Variants in VPS53 observed in about 807,000 individuals in gnomAD.
VPS53 encodes the protein VPS53 subunit of GARP complex.
VPS53 carries 70 observed loss-of-function variants against 107.0 expected under a neutral mutation model. The ratio of observed to expected loss-of-function variants is 0.65; its 90% CI spans 0.54 to 0.80. VPS53 has a LOEUF of 0.80. Among genes scored for constraint, VPS53 ranks in the 30% least tolerant of loss-of-function variants. VPS53 has a pLI of 0.00. For missense variants in VPS53, 917 were observed against 1,049.4 expected, an observed-to-expected ratio of 0.87 and a Z score of 1.74; for synonymous variants, 409 against 393.3, an observed-to-expected ratio of 1.04 and a Z score of -0.47.
At chr17:647,602 T>C (rs980076199) in intron 7 of VPS53, among the ~76,000 whole-genome samples, 1 of 152,164 alleles carries the variant, frequency 6.6e-6, no homozygotes, top group Non-Finnish European at 1.5e-5. Context: ...CATAAAGTCC[T>C]GTTCGCCTGC....
intron 12 of VPS53, among the ~76,000 whole-genome samples, chr17:598,486 G>A (rs1247386834): frequency 2.6e-5 from 4 of 151,438 alleles, no homozygotes; most frequent in South Asian, 4.2e-4. Context: ...GAGCGTCTCC[G>A]CCCGGCCGCC....
intron 17 of VPS53, among the ~76,000 whole-genome samples, chr17:547,514 G>C (rs1911320856): frequency 6.6e-6 from 1 of 152,158 alleles, no homozygotes; most frequent in African/African-American, 2.4e-5. Flanking sequence ...GGTTGTCAGG[G>C]GAATGTAGAA....
At chr17:606,442 C>G (rs1246904323) in intron 11 of VPS53, among the ~76,000 whole-genome samples, 1 of 152,090 alleles carries the variant, frequency 6.6e-6, no homozygotes, top group Non-Finnish European at 1.5e-5. Context: ...TGGGATGAGG[C>G]ATGCGTGTCA....
At chr17:634,351 G>A (rs1320628846) in intron 7 of VPS53, among the ~76,000 whole-genome samples, 1 of 152,088 alleles carries the variant, frequency 6.6e-6, no homozygotes, top group African/African-American at 2.4e-5. Flanking sequence ...TCCTTGCCAT[G>A]CTCTTCATTT....
chr17:660,801 C>T (rs1409702724), intron 5 of VPS53, among the ~76,000 whole-genome samples: 1 of 152,178 alleles, frequency 6.6e-6, no homozygotes. Flanking sequence ...ATTCTCACAA[C>T]AACCCTGTGA....
At chr17:621,795 CTTGA>C (rs1597393292) in intron 11 of VPS53, among the ~76,000 whole-genome samples, 1 of 152,102 alleles carries the variant, frequency 6.6e-6, no homozygotes, top group Non-Finnish European at 1.5e-5. Flanking sequence ...TTTTTAATCC[CTTGA>C]TTATGTTTCT....
rs1334181293 is a variant in VPS53 at position 672,155 on chromosome 17, C to T, written c.286-10260G>A. On this transcript the variant is annotated intron_variant, in intron 4 of 21. Transcript: ENST00000437048. ...ACACACACACACACACACACACAAT[C>T]TCTCTCTCACACAATCTCAATCTCT... Among the ~76,000 whole-genome samples, 4 of 144,652 alleles carry T rather than the reference C, an allele frequency of 2.8e-5. No individual in the cohort carries two copies. In the Admixed American group the frequency reaches 2.9e-4, roughly 10 times the overall value. 94.9% of individuals were successfully genotyped at this position (144,652 alleles called of 152,430 possible). A position where few individuals can be genotyped will look rare whatever the true frequency, so the allele number is the denominator to read the frequency against.
chr17:599,390 C>T (rs1414819794), intron 12 of VPS53, among the ~76,000 whole-genome samples: 2 of 152,076 alleles, frequency 1.3e-5, no homozygotes, highest in Non-Finnish European at 2.9e-5. Context: ...GGAGACTTTT[C>T]ATTTTGTTCT....
intron 11 of VPS53, among the ~76,000 whole-genome samples, chr17:623,260 C>G (rs1969549110): frequency 6.6e-6 from 1 of 152,158 alleles, no homozygotes; most frequent in Non-Finnish European, 1.5e-5. Context: ...AGTAAGGCCT[C>G]TGACTCACAA....
rs1241065433 is a variant in VPS53, at chr17:511,668, C to A, written c.*7460G>T. The A allele has an allele frequency of 6.6e-6, 1 of 152,106 alleles. No homozygotes were observed. The highest frequency in any genetic ancestry group is 2.4e-5 in the African/African-American group (1 of 41,406). The allele number at this position is 152,106 out of a possible 1,614,324, so 9.4% of individuals were successfully genotyped here. On this transcript the variant is annotated 3_prime_UTR_variant, in exon 22 of 22. Transcript: ENST00000437048. Reference sequence around the variant, plus strand: ...CACAATTGGAAAGTAATCCAAACAGCCTGTGAGCTCAGGCTTCCCAGTTAG... The same window carrying A: ...CACAATTGGAAAGTAATCCAAACAGACTGTGAGCTCAGGCTTCCCAGTTAG...
At chr17:536,773 G>A (rs193118428) in intron 18 of VPS53, 115 of 426,818 alleles carry the variant, frequency 2.7e-4, no homozygotes, top group African/African-American at 3.0e-4. Flanking sequence ...TGTCCAAACC[G>A]AGGGAATGTC....
intron 19 of VPS53, among the ~76,000 whole-genome samples, chr17:525,996 C>CAA (rs10677094): frequency 0.3 from 22,428 of 73,974 alleles, 2,977 homozygotes; most frequent in Non-Finnish European, 0.33. Context: ...GACATTTTCT[C>CAA]AAAAAAAAAA....
intron 4 of VPS53, among the ~76,000 whole-genome samples, chr17:692,731 G>A (rs1309766616): frequency 2.0e-5 from 3 of 152,216 alleles, no homozygotes; most frequent in Admixed American, 6.5e-5. Context: ...AGCCGGGTGC[G>A]GTGGCTCACG....
intron 13 of VPS53, among the ~76,000 whole-genome samples, chr17:583,971 C>T (rs1295162481): frequency 1.3e-5 from 2 of 151,864 alleles, no homozygotes; most frequent in Non-Finnish European, 1.5e-5. Flanking sequence ...GTACCTAATG[C>T]GTTCCCAGGG....
At chr17:576,045 C>A (rs1417349944) in intron 13 of VPS53, among the ~76,000 whole-genome samples, 1 of 148,542 alleles carries the variant, frequency 6.7e-6, no homozygotes, top group Admixed American at 6.7e-5. Context: ...CACAACCTAA[C>A]GCGTTCTCAG....
At chr17:663,344 C>A (rs1971550692) in intron 4 of VPS53, among the ~76,000 whole-genome samples, 1 of 152,238 alleles carries the variant, frequency 6.6e-6, no homozygotes, top group Non-Finnish European at 1.5e-5. Flanking sequence ...GCAGTTGTGA[C>A]ATGTGGAGAC....
In VPS53 at chr17:671,105, C is replaced by T. The variant is rs535904845; in HGVS notation, c.286-9210G>A. ...AACTAGCCAGCCATCATGGTACACA[C>T]CTGTAATCCCAGCTACTGGGGAGGA... is the stretch of plus-strand genomic sequence containing the variant. On this transcript the variant is annotated intron_variant, in intron 4 of 21. Transcript: ENST00000437048. 6.6e-5 allele frequency among the ~76,000 whole-genome samples: 10 copies of T among 152,226 alleles called. No individual in the cohort carries two copies. The South Asian group carries it at 2.1e-3, about 32-fold the overall frequency.
At chr17:598,815 G>A (rs1185263515) in intron 12 of VPS53, among the ~76,000 whole-genome samples, 55 of 117,634 alleles carry the variant, frequency 4.7e-4, no homozygotes, top group Middle Eastern at 4.7e-3. Flanking sequence ...CAGCCACCCC[G>A]TCTGGGAAGT....
At chr17:596,391 C>T (rs1597358949) in intron 12 of VPS53, among the ~76,000 whole-genome samples, 2 of 151,832 alleles carry the variant, frequency 1.3e-5, no homozygotes, top group South Asian at 2.1e-4. Context: ...CCCTTGATGA[C>T]GTCCCACAGG....
Sources: gnomAD v4.1 joint callset for allele counts (sites outside exome capture counted in the v4.1 genomes callset) on GRCh38, gnomAD v4.1.1 for gene constraint, MANE v1.5 for transcripts, NCBI Gene and HGNC (gene_info 2026-07-23, HGNC 2026-07-21) for gene names.